SPADH: variants seen among roughly 807,000 people sequenced by gnomAD.
The protein encoded by SPADH is spermadhesin family member.
the SPADH span, among the ~76,000 whole-genome samples, chr10:122,677,872 G>A: frequency 6.6e-6 from 1 of 152,330 alleles, no homozygotes; most frequent in African/African-American, 2.4e-5. Flanking sequence ...AGACCCAGAT[G>A]GGGAAACAAG....
At chr10:122,678,113 T>C in the SPADH span, among the ~76,000 whole-genome samples, 1 of 152,052 alleles carries the variant, frequency 6.6e-6, no homozygotes, top group African/African-American at 2.4e-5. Flanking sequence ...TGGTGGGGTG[T>C]CCCCTTGTTG....
chr10:122,676,811 C>T, the SPADH span: 13 of 985,328 alleles, frequency 1.3e-5, no homozygotes, highest in East Asian at 3.4e-4. Context: ...TCTTCAACTA[C>T]GCTGGGCCGA....
the SPADH span, chr10:122,678,857 T>C: frequency 7.1e-6 from 7 of 983,148 alleles, no homozygotes; most frequent in Non-Finnish European, 8.5e-6. Context: ...AGGATTCGCA[T>C]GTGGCAAAGA....
At chr10:122,679,044 A>G in the SPADH span, 2 of 984,658 alleles carry the variant, frequency 2.0e-6, no homozygotes, top group Non-Finnish European at 1.2e-6. Context: ...TGGTCAACAC[A>G]TTAATAGGAA....
At chr10:122,674,032 A>G in the SPADH span, among the ~76,000 whole-genome samples, 1 of 152,256 alleles carries the variant, frequency 6.6e-6, no homozygotes, top group African/African-American at 2.4e-5. Context: ...GAACCCTAAC[A>G]GCTTGGTGGA....
chr10:122,678,853 C>T, the SPADH span: 8 of 981,796 alleles, frequency 8.1e-6, no homozygotes, highest in African/African-American at 3.5e-5. Context: ...CCAGAGGATT[C>T]GCATGTGGCA....
At chr10:122,679,161 A>G in the SPADH span, 10,918 of 282,098 alleles carry the variant, frequency 0.039, 577 homozygotes, top group African/African-American at 0.15. Context: ...AGATTGAGTC[A>G]TAGTTCTCCT....
chr10:122,677,849 T>C, the SPADH span, among the ~76,000 whole-genome samples: 9 of 152,044 alleles, frequency 5.9e-5, no homozygotes, highest in African/African-American at 2.2e-4. Context: ...TCAAAAAGGA[T>C]GTGTGGCCAT....
At chr10:122,675,535 T>G in the SPADH span, 3 of 257,106 alleles carry the variant, frequency 1.2e-5, no homozygotes, top group African/African-American at 6.9e-5. Flanking sequence ...TCTGTCCCTT[T>G]GCACTCAAGC....
At chr10:122,676,716 G>C in the SPADH span, 1 of 985,244 alleles carries the variant, frequency 1.0e-6, no homozygotes, top group Non-Finnish European at 1.2e-6. Flanking sequence ...CAGACCTAGA[G>C]CATCCCTGCA....
chr10:122,678,427 C>T, the SPADH span, among the ~76,000 whole-genome samples: 1 of 152,302 alleles, frequency 6.6e-6, no homozygotes, highest in Admixed American at 6.5e-5. Flanking sequence ...TGTCCACACA[C>T]TCATTTCTGG....
At chr10:122,674,780 C>T in the SPADH span, among the ~76,000 whole-genome samples, 3 of 152,340 alleles carry the variant, frequency 2.0e-5, no homozygotes, top group South Asian at 4.1e-4. Flanking sequence ...GGGCATTGGG[C>T]CATGGGCTCG....
chr10:122,673,032 G>A, the SPADH span: 1 of 547,220 alleles, frequency 1.8e-6, no homozygotes, highest in South Asian at 8.1e-5. Context: ...GCCCATGGCT[G>A]ATTAGCTGAA....
the SPADH span, chr10:122,676,853 C>A: frequency 2.0e-6 from 2 of 985,258 alleles, no homozygotes; most frequent in South Asian, 9.4e-5. Context: ...TCGAGTTGAA[C>A]CCCGGGGAGA....
At chr10:122,679,031 G>A in the SPADH span, 90 of 984,706 alleles carry the variant, frequency 9.1e-5, no homozygotes, top group East Asian at 6.8e-4. Flanking sequence ...CTTTGTTGAC[G>A]CTTGGTCAAC....
At chr10:122,676,650 G>T in the SPADH span, 2 of 871,068 alleles carry the variant, frequency 2.3e-6, no homozygotes, top group Non-Finnish European at 2.8e-6. Context: ...TCCCAAGGAT[G>T]GGAAGTTGGG....
chr10:122,675,538 A>T, the SPADH span: 1 of 280,822 alleles, frequency 3.6e-6, no homozygotes, highest in East Asian at 1.8e-4. Flanking sequence ...GTCCCTTTGC[A>T]CTCAAGCTCC....
chr10:122,676,676 A>G, the SPADH span: 1 of 968,724 alleles, frequency 1.0e-6, no homozygotes, highest in Non-Finnish European at 1.2e-6. Context: ...CAGTAATAAC[A>G]GGGGCCCCTG....
chr10:122,675,708 C>T, the SPADH span: 1 of 923,220 alleles, frequency 1.1e-6, no homozygotes, highest in Non-Finnish European at 1.3e-6. Flanking sequence ...TTTCCCTTGC[C>T]TCACACAGAG....
Sources: gnomAD v4.1 joint callset for allele counts (sites outside exome capture counted in the v4.1 genomes callset) on GRCh38, gnomAD v4.1.1 for gene constraint, MANE v1.5 for transcripts, NCBI Gene and HGNC (gene_info 2026-07-23, HGNC 2026-07-21) for gene names.